ANKRD11: variants seen among roughly 807,000 people sequenced by gnomAD.
ANKRD11 encodes ankyrin repeat domain 11.
Under a neutral mutation model 195.7 loss-of-function variants are expected in ANKRD11, and 17 were observed. The ratio of observed to expected loss-of-function variants is 0.09; its 90% CI spans 0.06 to 0.13. The LOEUF (loss-of-function observed/expected upper bound fraction) is 0.13, where lower values mean the gene tolerates loss of function less well. Among genes scored for constraint, ANKRD11 ranks in the 10% least tolerant of loss-of-function variants. ANKRD11 has a pLI of 1.00. For synonymous variants in ANKRD11, 1,953 were observed against 1,528.1 expected (o/e 1.28, Z -6.49); for missense variants, 3,735 against 3,566.1 (o/e 1.05, Z -1.21).
At chr16:89,484,054 C>A (rs1032159143) in intron 1 of ANKRD11, among the ~76,000 whole-genome samples, 1 of 152,190 alleles carries the variant, frequency 6.6e-6, no homozygotes, top group Non-Finnish European at 1.5e-5. Context: ...TACAAGCTCT[C>A]GAGACGCTCT....
intron 2 of ANKRD11, among the ~76,000 whole-genome samples, chr16:89,361,272 C>T (rs979605733): frequency 2.6e-5 from 4 of 152,238 alleles, no homozygotes; most frequent in Non-Finnish European, 4.4e-5. Flanking sequence ...CAGCAGGAAA[C>T]GGGGTGACAC....
In ANKRD11 at chr16:89,282,831, C is replaced by A; in HGVS notation, c.3711G>T (p.Lys1237Asn). 1 of 1,611,472 alleles carries A rather than the reference C, an allele frequency of 6.2e-7. No individual in the cohort carries two copies. The highest frequency in any genetic ancestry group is 2.2e-5 in the East Asian group (1 of 44,884). ...GCTTCTTTTCAGCCTTCTCGGGGAG[C>A]TTCTGTTTATTTTTCTTATCTTGCG... Reference protein sequence around the residue: ...DSTQDKKNKQKLPEKAEKKHA... With the variant: ...DSTQDKKNKQNLPEKAEKKHA... Residue 1237 changes from lysine to asparagine, a missense_variant, in exon 9 of 13, where the codon AAG becomes AAT. Coordinates refer to ENST00000301030, the MANE Select transcript of ANKRD11 (RefSeq NM_013275.6).
intron 11 of ANKRD11, among the ~76,000 whole-genome samples, chr16:89,273,234 G>A (rs2033336805): frequency 6.6e-6 from 1 of 152,068 alleles, no homozygotes; most frequent in Non-Finnish European, 1.5e-5. Context: ...AAAGAGGGAA[G>A]TAATGCTTCC....
At chr16:89,366,129 C>CAAAAAA (rs71387689) in intron 2 of ANKRD11, among the ~76,000 whole-genome samples, 10 of 60,426 alleles carry the variant, frequency 1.7e-4, no homozygotes, top group African/African-American at 5.0e-4. Flanking sequence ...GACTCCATCT[C>CAAAAAA]AAAAAAAAAA....
chr16:89,384,874 G>GTTTTTTTTTTTTTTTTTTT (rs1257714722), intron 2 of ANKRD11, among the ~76,000 whole-genome samples: 5 of 72,766 alleles, frequency 6.9e-5, no homozygotes, highest in African/African-American at 2.2e-4. Flanking sequence ...ATGAGAAATA[G>GTTTTTTTTTTTTTTTTTTT]TTTTCTTTTT....
rs1356423356 is a variant in ANKRD11 at position 89,326,247 on chromosome 16, GAAAT to G, written c.-59-9173_-59-9170del. 2.6e-4 allele frequency among the ~76,000 whole-genome samples: 39 copies of G among 152,326 alleles called. 1 individual carries two copies. The highest frequency in any genetic ancestry group is 2.5e-3 in the Admixed American group (39 of 15,306). On this transcript the variant is annotated intron_variant, in intron 2 of 12. Coordinates refer to ENST00000301030, the MANE Select transcript of ANKRD11 (RefSeq NM_013275.6). Reference sequence around the variant, plus strand: ...ATTTCCTCCAAGGCTTGCGAGGGTGGAAATAAACACACGGAAGTGACCAGCAGAG... The same window carrying G: ...ATTTCCTCCAAGGCTTGCGAGGGTGGAAACACACGGAAGTGACCAGCAGAG...
intron 6 of ANKRD11, among the ~76,000 whole-genome samples, chr16:89,289,913 G>A (rs1351718043): frequency 6.6e-6 from 1 of 152,106 alleles, no homozygotes; most frequent in Non-Finnish European, 1.5e-5. Flanking sequence ...GGTGGCGTGC[G>A]CCTGCACCCG....
At chr16:89,469,954 G>A (rs771064916) in intron 1 of ANKRD11, among the ~76,000 whole-genome samples, 1 of 151,550 alleles carries the variant, frequency 6.6e-6, no homozygotes, top group Non-Finnish European at 1.5e-5. Context: ...CGCTCAGGCT[G>A]GAGCGCAGTG....
At chr16:89,327,586 CAAGA>C (rs1415447293) in intron 2 of ANKRD11, among the ~76,000 whole-genome samples, 1 of 152,126 alleles carries the variant, frequency 6.6e-6, no homozygotes, top group Non-Finnish European at 1.5e-5. Context: ...CCTATGAAAA[CAAGA>C]AATAAAGACA....
intron 1 of ANKRD11, among the ~76,000 whole-genome samples, chr16:89,445,773 G>A (rs559481472): frequency 6.6e-6 from 1 of 152,116 alleles, no homozygotes; most frequent in East Asian, 1.9e-4. Context: ...TCAGGAGTTC[G>A]AGACCAGCCT....
intron 1 of ANKRD11, 53 bp from the exon 2 acceptor site, chr16:89,418,421 T>C (rs1639468121): frequency 2.4e-6 from 1 of 419,574 alleles, no homozygotes; most frequent in African/African-American, 2.0e-5. Flanking sequence ...CAGCCTCAGT[T>C]CTTTCATCGC....
intron 12 of ANKRD11, 84 bp downstream of exon 12, chr16:89,270,733 A>C: frequency 1.5e-6 from 2 of 1,313,980 alleles, no homozygotes; most frequent in Non-Finnish European, 2.2e-6. Context: ...CCCCCCAGGC[A>C]GCGCAAAGGG....
chr16:89,283,614 C>T lies in ANKRD11; in HGVS notation c.2928G>A (p.Leu976=). Residue 976 remains leucine (L), a synonymous_variant, in exon 9 of 13, where the codon CTG becomes CTA. Transcript: ENST00000301030. The surrounding 1 kb of genome is among the most constrained non-coding windows in gnomAD (Gnocchi z 4.3). ...AGCCACTCTCGCAGCCACACTCCTT[C>T]AGCTCCTCCCGGTGCGCCTCCTCGG... ...AKPEEAHREE[L]KECGCESGFK... The T allele has an allele frequency of 6.2e-7, 1 of 1,610,174 alleles. No homozygotes were observed. Among genetic ancestry groups the T allele is most frequent in the African/African-American group, 1.3e-5 (1 of 75,070 alleles).
chr16:89,409,284 A>G (rs2042027262), intron 2 of ANKRD11, among the ~76,000 whole-genome samples: 1 of 152,232 alleles, frequency 6.6e-6, no homozygotes, highest in South Asian at 2.1e-4. Flanking sequence ...TCACTAGGCT[A>G]CAAGAAAGCT....
chr16:89,294,932 G>C (rs1003647583), intron 4 of ANKRD11, among the ~76,000 whole-genome samples: 10 of 152,222 alleles, frequency 6.6e-5, no homozygotes, highest in Admixed American at 5.2e-4. Flanking sequence ...AAAAGGGTGA[G>C]AGCATCTGGA....
intron 1 of ANKRD11, among the ~76,000 whole-genome samples, chr16:89,442,516 TTC>T (rs999341293): frequency 5.3e-5 from 8 of 152,150 alleles, no homozygotes; most frequent in South Asian, 2.1e-4. Flanking sequence ...TTGTCTCTGT[TTC>T]TCTCTCTCTC....
chr16:89,313,847 G>A (rs1371294948), intron 3 of ANKRD11, among the ~76,000 whole-genome samples: 1 of 152,176 alleles, frequency 6.6e-6, no homozygotes, highest in African/African-American at 2.4e-5. Context: ...CACCAGGCCT[G>A]AGAGCTCCCT....
At chr16:89,355,362 C>T (rs993548765) in intron 2 of ANKRD11, among the ~76,000 whole-genome samples, 1 of 152,152 alleles carries the variant, frequency 6.6e-6, no homozygotes, top group Non-Finnish European at 1.5e-5. Flanking sequence ...CCAACACAAA[C>T]GGAGGACGAT....
intron 2 of ANKRD11, among the ~76,000 whole-genome samples, chr16:89,409,668 G>C (rs1444200896): frequency 6.6e-6 from 1 of 152,098 alleles, no homozygotes; most frequent in Admixed American, 6.6e-5. Context: ...ACACACACAC[G>C]AAAACTGGTT....
Sources: gnomAD v4.1 joint callset for allele counts (sites outside exome capture counted in the v4.1 genomes callset) on GRCh38, gnomAD v4.1.1 for gene constraint, Gnocchi (gnomAD v3.1) non-coding constraint, MANE v1.5 for transcripts, NCBI Gene and HGNC (gene_info 2026-07-23, HGNC 2026-07-21) for gene names.